Variants in CELF2 observed in about 807,000 individuals in gnomAD.
CELF2 encodes the protein CUGBP Elav-like family member 2.
In CELF2, 8 loss-of-function variants were observed where a neutral mutation model predicts 62.6. The observed-to-expected ratio is 0.13, with a 90% CI of 0.07 to 0.23. CELF2 has a LOEUF of 0.23. Ranked by LOEUF, CELF2 falls within the 10% of genes least tolerant of loss-of-function variation. The pLI, the probability that CELF2 is intolerant of heterozygous loss-of-function variation, is 1.00. For synonymous variants in CELF2, 258 were observed against 250.0 expected, an observed-to-expected ratio of 1.03 and a Z score of -0.30; for missense variants, 333 against 671.0, an observed-to-expected ratio of 0.50 and a Z score of 5.56.
the CELF2 span, among the ~76,000 whole-genome samples, chr10:10,652,197 A>C: frequency 9.0e-6 from 1 of 111,670 alleles, no homozygotes; most frequent in Non-Finnish European, 1.9e-5. Flanking sequence ...AAATGAGCAA[A>C]GCCTCCAAGA....
intron 2 of CELF2, among the ~76,000 whole-genome samples, chr10:10,977,525 TCTTTCCTG>T (rs754033931): frequency 7.2e-5 from 11 of 152,224 alleles, no homozygotes; most frequent in Non-Finnish European, 1.6e-4. Context: ...TCTTTGACTG[TCTTTCCTG>T]GTGTGAAATG....
chr10:10,626,343 T>C, the CELF2 span, among the ~76,000 whole-genome samples: 1 of 152,206 alleles, frequency 6.6e-6, no homozygotes, highest in Non-Finnish European at 1.5e-5. Context: ...TAGAATGAAT[T>C]TGTGTTAGTG....
At position 11,103,487 on chromosome 10, in the gene CELF2, A is replaced by ATTTTTTTTTTT. The variant is rs3054364; in HGVS notation, c.75-61989_75-61979dup. Among the ~76,000 whole-genome samples, 48 of 119,730 alleles carry ATTTTTTTTTTT rather than the reference A, an allele frequency of 4.0e-4. 3 individuals carry two copies. Among genetic ancestry groups the ATTTTTTTTTTT allele is most frequent in the African/African-American group, 1.3e-3 (36 of 28,576 alleles). 78.5% of individuals were successfully genotyped at this position (119,730 alleles called of 152,430 possible). On this transcript the variant is annotated intron_variant, in intron 1 of 12. Coordinates refer to ENST00000633077, the MANE Select transcript of CELF2 (RefSeq NM_001326342.2). ...CGGATAAACCTGTGTTTGTAGCCTGATTTTTTTTTTTTTTTTTTTTACTGT... is the reference window on the plus strand; with the variant it reads ...CGGATAAACCTGTGTTTGTAGCCTGATTTTTTTTTTTTTTTTTTTTTTTTTTTTTTTACTGT...
At position 11,057,870 on chromosome 10, in the gene CELF2, G is replaced by A. The variant is rs7074193; in HGVS notation, c.74+39707G>A. Among the ~76,000 whole-genome samples, 626 of 152,024 alleles carry A rather than the reference G, an allele frequency of 4.1e-3. 7 individuals carry two copies. The highest frequency in any genetic ancestry group is 0.014 in the African/African-American group (586 of 41,460). ...CAACAAGATTCTGACATTTGCTAGC[G>A]GTCTACCACAAAGAACAATTATATT... On this transcript the variant is annotated intron_variant, in intron 1 of 12. Coordinates refer to ENST00000633077, the MANE Select transcript of CELF2 (RefSeq NM_001326342.2).
chr10:11,277,137 A>G (rs1391734440), intron 8 of CELF2, among the ~76,000 whole-genome samples: 2 of 152,216 alleles, frequency 1.3e-5, no homozygotes, highest in Non-Finnish European at 2.9e-5. Context: ...TTGCATTTAT[A>G]GGGATCGTCA....
intron 1 of CELF2, chr10:11,096,175 A>G (rs1201435873): frequency 6.6e-6 from 1 of 152,256 alleles, no homozygotes; most frequent in Non-Finnish European, 1.5e-5. Flanking sequence ...AGCTTAAATA[A>G]TGCATTTCAG....
At chr10:11,026,139 C>T (rs149808364) in intron 1 of CELF2, among the ~76,000 whole-genome samples, 15 of 152,320 alleles carry the variant, frequency 9.8e-5, no homozygotes, top group African/African-American at 1.9e-4. Flanking sequence ...CAGACACATA[C>T]GGTCCTCCGC....
chr10:10,931,770 C>T lies in CELF2; in HGVS notation c.89+11771C>T, dbSNP rs754441189. 1.7e-4 allele frequency among the ~76,000 whole-genome samples: 26 copies of T among 152,134 alleles called. No homozygotes were observed. The highest frequency in any genetic ancestry group is 5.8e-4 in the East Asian group (3 of 5,198). On this transcript the variant is annotated intron_variant, in intron 2 of 13. Transcript: ENST00000636488. This position sits in a 1 kb window ranked among gnomAD's most constrained non-coding sequence, Gnocchi z 6.1. ...ATAGCAATGCATTAGTCTTTTCTCA[C>T]GCTGCTAATAAAGACATACCCACAA...
At chr10:10,529,486 A>G in the CELF2 span, among the ~76,000 whole-genome samples, 1 of 152,042 alleles carries the variant, frequency 6.6e-6, no homozygotes, top group Non-Finnish European at 1.5e-5. Flanking sequence ...GGAGTTCAAG[A>G]CCAGCCTGGC....
the CELF2 span, among the ~76,000 whole-genome samples, chr10:10,558,364 C>T: frequency 6.6e-6 from 1 of 151,528 alleles, no homozygotes; most frequent in East Asian, 1.9e-4. Flanking sequence ...TTGAACCAGC[C>T]TTGCATCCCA....
intron 2 of CELF2, chr10:11,169,080 A>G (rs1028840617): frequency 5.9e-5 from 9 of 152,312 alleles, no homozygotes; most frequent in Admixed American, 5.9e-4. Context: ...CATGTTACTT[A>G]ATCACATCTT....
At chr10:10,549,935 C>A in the CELF2 span, among the ~76,000 whole-genome samples, 2 of 151,924 alleles carry the variant, frequency 1.3e-5, no homozygotes, top group African/African-American at 2.4e-5. Context: ...AGCACAAAAC[C>A]AATAAAGGGG....
chr10:11,205,919 G>A (rs868276368), intron 2 of CELF2, among the ~76,000 whole-genome samples: 17 of 152,152 alleles, frequency 1.1e-4, no homozygotes, highest in African/African-American at 3.6e-4. Flanking sequence ...GTTTACTTCA[G>A]CCTAGCCTTG....
rs1461275217 is a variant in CELF2 at position 11,336,165 on chromosome 10, GAC to G, written c.*7118_*7119del. The G allele has an allele frequency of 6.6e-6, 1 of 152,666 alleles. No homozygotes were observed. The highest frequency in any genetic ancestry group is 1.5e-5 in the Non-Finnish European group (1 of 68,038). The allele number at this position is 152,666 out of a possible 1,614,324, so 9.5% of individuals were successfully genotyped here. A position where few individuals can be genotyped will look rare whatever the true frequency, so the allele number is the denominator to read the frequency against. ...CTCGGACTCTTAGCTGGCAGGCTAG[GAC>G]ACACAGTGAACATTAATGTACTGTG... On this transcript the variant is annotated 3_prime_UTR_variant, in exon 13 of 13. Transcript: ENST00000633077. The surrounding 1 kb of genome is among the most constrained non-coding windows in gnomAD (Gnocchi z 5.4).
At chr10:10,671,843 C>A in the CELF2 span, among the ~76,000 whole-genome samples, 3 of 152,092 alleles carry the variant, frequency 2.0e-5, no homozygotes, top group African/African-American at 7.2e-5. Context: ...GATTCTCCCA[C>A]CTCAGCCTCC....
chr10:11,195,789 G>C (rs2057303191), intron 2 of CELF2, among the ~76,000 whole-genome samples: 1 of 152,178 alleles, frequency 6.6e-6, no homozygotes, highest in East Asian at 1.9e-4. Context: ...CATGTCCTTT[G>C]TTTTCTGAGG....
At chr10:10,739,126 C>T in the CELF2 span, among the ~76,000 whole-genome samples, 8 of 151,738 alleles carry the variant, frequency 5.3e-5, no homozygotes, top group East Asian at 1.5e-3. Flanking sequence ...AAAAAAATCA[C>T]CAAATAGAAT....
At chr10:10,691,598 G>T in the CELF2 span, among the ~76,000 whole-genome samples, 2 of 151,976 alleles carry the variant, frequency 1.3e-5, no homozygotes, top group African/African-American at 2.4e-5. Flanking sequence ...TTCCACAATG[G>T]TTGAATCAGT....
chr10:11,032,396 T>A (rs1006608299), intron 1 of CELF2, among the ~76,000 whole-genome samples: 10 of 152,136 alleles, frequency 6.6e-5, no homozygotes, highest in Admixed American at 5.2e-4. Context: ...GGTGGGGGAA[T>A]CGCTTGAGGC....
Sources: gnomAD v4.1 joint callset for allele counts (sites outside exome capture counted in the v4.1 genomes callset) on GRCh38, gnomAD v4.1.1 for gene constraint, Gnocchi (gnomAD v3.1) non-coding constraint, MANE v1.5 for transcripts, NCBI Gene and HGNC (gene_info 2026-07-23, HGNC 2026-07-21) for gene names.